NKAIN2: variants seen among roughly 807,000 people sequenced by gnomAD.
The protein encoded by NKAIN2 is sodium/potassium-transporting ATPase subunit beta-1-interacting protein 2.
In NKAIN2, 14 loss-of-function variants were observed where a neutral mutation model predicts 32.6. The ratio of observed to expected loss-of-function variants is 0.43; its 90% confidence interval spans 0.28 to 0.67. NKAIN2 has a LOEUF of 0.67. NKAIN2 is among the 30% of genes least tolerant of loss of function. The pLI is 0.17. For synonymous variants in NKAIN2, 80 were observed against 87.2 expected, an observed-to-expected ratio of 0.92 and a Z score of 0.46; for missense variants, 198 against 258.3, an observed-to-expected ratio of 0.77 and a Z score of 1.60.
At chr6:124,609,248 T>C (rs1782603585) in intron 3 of NKAIN2, among the ~76,000 whole-genome samples, 1 of 152,146 alleles carries the variant, frequency 6.6e-6, no homozygotes, top group Non-Finnish European at 1.5e-5. Context: ...AAGAGGAGGT[T>C]AAAATCCTCT....
At chr6:124,574,062 G>A (rs1304672143) in intron 3 of NKAIN2, among the ~76,000 whole-genome samples, 2 of 152,058 alleles carry the variant, frequency 1.3e-5, no homozygotes, top group Non-Finnish European at 2.9e-5. Context: ...AGGCATTGGG[G>A]GCAATTTTTA....
chr6:124,711,265 T>G (rs1775439255), intron 4 of NKAIN2, among the ~76,000 whole-genome samples: 1 of 72,342 alleles, frequency 1.4e-5, no homozygotes, highest in African/African-American at 5.9e-5. Context: ...CGCTTAACAT[T>G]TTTTCCTTCA....
intron 1 of NKAIN2, among the ~76,000 whole-genome samples, chr6:124,008,294 G>A (rs1780166754): frequency 6.6e-6 from 1 of 152,098 alleles, no homozygotes; most frequent in Admixed American, 6.6e-5. Flanking sequence ...TATTTTCCTA[G>A]CAACGAAAGA....
At chr6:124,260,463 G>A (rs141810923) in intron 1 of NKAIN2, among the ~76,000 whole-genome samples, 137 of 152,296 alleles carry the variant, frequency 9.0e-4, no homozygotes, top group African/African-American at 3.2e-3. Flanking sequence ...CCACACAGGT[G>A]TCAGGGAAAA....
intron 1 of NKAIN2, among the ~76,000 whole-genome samples, chr6:124,201,437 G>A (rs973551888): frequency 1.3e-5 from 2 of 151,966 alleles, no homozygotes; most frequent in African/African-American, 2.4e-5. Context: ...GGGAATTCTA[G>A]CGGGGAAAGT....
chr6:124,651,547 T>C (rs1583584246), intron 3 of NKAIN2, among the ~76,000 whole-genome samples: 1 of 152,108 alleles, frequency 6.6e-6, no homozygotes, highest in Non-Finnish European at 1.5e-5. Flanking sequence ...CAGCACCACA[T>C]AAATGCCTCA....
intron 1 of NKAIN2, among the ~76,000 whole-genome samples, chr6:124,035,905 A>G (rs562127286): frequency 6.6e-6 from 1 of 152,166 alleles, no homozygotes; most frequent in Non-Finnish European, 1.5e-5. Context: ...AAGTGTCCCA[A>G]GAACCTCACC....
At chr6:124,526,833 G>A (rs1779334470) in intron 3 of NKAIN2, among the ~76,000 whole-genome samples, 1 of 152,088 alleles carries the variant, frequency 6.6e-6, no homozygotes, top group Non-Finnish European at 1.5e-5. Flanking sequence ...TGGGAGTAGT[G>A]GGGTAGTGTA....
chr6:124,141,860 T>C (rs1787156035), intron 1 of NKAIN2, among the ~76,000 whole-genome samples: 1 of 152,166 alleles, frequency 6.6e-6, no homozygotes, highest in African/African-American at 2.4e-5. Context: ...GTAGATGATC[T>C]TGAATTGCAA....
intron 3 of NKAIN2, among the ~76,000 whole-genome samples, chr6:124,536,198 A>G (rs1343201363): frequency 6.6e-6 from 1 of 152,240 alleles, no homozygotes; most frequent in African/African-American, 2.4e-5. Context: ...AAAAATGTAG[A>G]CATGAAATGG....
chr6:124,346,284 G>A (rs1798419326), intron 2 of NKAIN2, among the ~76,000 whole-genome samples: 1 of 152,140 alleles, frequency 6.6e-6, no homozygotes, highest in African/African-American at 2.4e-5. Flanking sequence ...TAGGTGTGGT[G>A]TGGTGCTGAA....
At chr6:124,052,189 G>A (rs1161362313) in intron 1 of NKAIN2, among the ~76,000 whole-genome samples, 1 of 152,032 alleles carries the variant, frequency 6.6e-6, no homozygotes, top group Non-Finnish European at 1.5e-5. Flanking sequence ...TGTTATAGAT[G>A]AAGAATCTGA....
At chr6:124,234,441 G>A (rs1792634288) in intron 1 of NKAIN2, among the ~76,000 whole-genome samples, 1 of 152,020 alleles carries the variant, frequency 6.6e-6, no homozygotes, top group South Asian at 2.1e-4. Context: ...AAACCACTAG[G>A]GAGCTCAATT....
intron 3 of NKAIN2, among the ~76,000 whole-genome samples, chr6:124,477,800 T>C (rs1370099329): frequency 3.4e-5 from 4 of 117,814 alleles, no homozygotes; most frequent in Non-Finnish European, 3.5e-5. Context: ...CTCTTCCCCT[T>C]CCCCCCTCCT....
At chr6:124,361,383 G>A (rs1008138535) in intron 3 of NKAIN2, among the ~76,000 whole-genome samples, 2 of 151,858 alleles carry the variant, frequency 1.3e-5, no homozygotes, top group African/African-American at 4.8e-5. Flanking sequence ...AATGTATGGG[G>A]CACCATTAGT....
At chr6:124,447,038 G>C (rs1408944192) in intron 3 of NKAIN2, among the ~76,000 whole-genome samples, 1 of 152,042 alleles carries the variant, frequency 6.6e-6, no homozygotes, top group Non-Finnish European at 1.5e-5. Flanking sequence ...TACCCTGGAT[G>C]GCTTTTTTCT....
intron 3 of NKAIN2, among the ~76,000 whole-genome samples, chr6:124,603,948 A>C (rs1782403871): frequency 6.6e-6 from 1 of 152,062 alleles, no homozygotes; most frequent in Non-Finnish European, 1.5e-5. Flanking sequence ...TCATCTTCTC[A>C]AGACTGTCTC....
chr6:123,938,019 C>T (rs1166972996), intron 1 of NKAIN2, among the ~76,000 whole-genome samples: 1 of 152,142 alleles, frequency 6.6e-6, no homozygotes, highest in Non-Finnish European at 1.5e-5. Context: ...CCTGAAATCT[C>T]AGTCCTGATA....
Position 124,566,553 on chromosome 6 carries a change from A to T in NKAIN2, c.274-91633A>T, listed in dbSNP as rs181387818. ...ACTGTTTCCTCAGCTACATTAATACAATTAATTAGCTTACACCACTGTTTA... is the reference window on the plus strand; with the variant it reads ...ACTGTTTCCTCAGCTACATTAATACTATTAATTAGCTTACACCACTGTTTA... On this transcript the variant is annotated intron_variant, in intron 3 of 6. Transcript: ENST00000368417. 8.5e-5 allele frequency among the ~76,000 whole-genome samples: 13 copies of T among 152,256 alleles called. No individual in the cohort carries two copies. The East Asian group carries it at 2.5e-3, about 29-fold the overall frequency.
Sources: allele counts gnomAD v4.1 joint callset (sites outside exome capture counted in the v4.1 genomes callset), GRCh38; gene constraint gnomAD v4.1.1; transcripts MANE v1.5; gene names NCBI Gene and HGNC (gene_info 2026-07-23, HGNC 2026-07-21).